The following ZMYM6 variants were observed in gnomAD, a reference collection of about 807,000 sequenced individuals.
ZMYM6 encodes zinc finger MYM-type containing 6, also known as zinc finger MYM-type protein 6.
Under a neutral mutation model 134.0 loss-of-function variants are expected in ZMYM6, and 90 were observed. The observed-to-expected ratio is 0.67, with a 90% CI of 0.57 to 0.80. ZMYM6 has a LOEUF of 0.80. ZMYM6 is among the 30% of genes least tolerant of loss of function. The pLI, the probability that ZMYM6 is intolerant of heterozygous loss-of-function variation, is 0.00. For synonymous variants in ZMYM6, 481 were observed against 524.1 expected (o/e 0.92, Z 1.12); for missense variants, 1,362 against 1,533.9 (o/e 0.89, Z 1.87).
At chr1:35,022,364 G>C (rs995559094) in intron 2 of ZMYM6, among the ~76,000 whole-genome samples, 1 of 151,986 alleles carries the variant, frequency 6.6e-6, no homozygotes, top group Non-Finnish European at 1.5e-5. Context: ...TCTCCCTCCC[G>C]GGTTCAAGTG....
rs1490329523 is a variant in ZMYM6, at chr1:34,993,850, A to T, written c.1993-1463T>A. On this transcript the variant is annotated intron_variant, in intron 14 of 15. Transcript: ENST00000357182. ...AAGCACCCGCCACCACGCCCGGCTA[A>T]TTTTTTTTGCATTTTTAGTAGAGAT... Among the ~76,000 whole-genome samples the T allele has an allele frequency of 2.0e-5, 3 of 151,234 alleles. No homozygotes were observed. The East Asian group carries it at 5.9e-4, about 30-fold the overall frequency.
Position 35,005,250 on chromosome 1 carries a change from A to G in ZMYM6, c.1836T>C (p.Thr612=), listed in dbSNP as rs781063723. The part of the protein sequence containing the change: ...QNKVNISKAK[T]AVTELPSART... The stretch of plus-strand genomic sequence containing the variant: ...TTGCAGAAGGGAGCTCCGTCACAGC[A>G]GTTTTTGCTTTAGAAATATTTACTG... Residue 612 remains threonine (T), a synonymous_variant, in exon 13 of 16, where the codon ACT becomes ACC. Coordinates refer to ENST00000357182, the MANE Select transcript of ZMYM6 (RefSeq NM_007167.4). 2 of 1,614,096 alleles carry G rather than the reference A, an allele frequency of 1.2e-6. No homozygotes were observed. Among genetic ancestry groups the G allele is most frequent in the Admixed American group, 3.3e-5 (2 of 59,996 alleles).
chr1:35,006,934 G>A lies in ZMYM6; in HGVS notation c.1813+17C>T, dbSNP rs1031245534. ...TAGCACTGACATAAAAATCCCATTA[G>A]CTAAGTTTAATTTTACCTTTATTTT... On this transcript the variant is annotated intron_variant, in intron 12 of 15. Transcript: ENST00000357182. 2 of 1,602,762 alleles carry A rather than the reference G, an allele frequency of 1.2e-6. No individual in the cohort carries two copies. The highest frequency in any genetic ancestry group is 1.3e-5 in the African/African-American group (1 of 74,524).
chr1:35,021,859 T>C (rs1489299550), intron 2 of ZMYM6, among the ~76,000 whole-genome samples: 1 of 152,194 alleles, frequency 6.6e-6, no homozygotes, highest in Non-Finnish European at 1.5e-5. Flanking sequence ...AAAATGTAAA[T>C]GCCTATCTTT....
intron 4 of ZMYM6, chr1:35,017,743 A>T (rs1455700328): frequency 1.3e-5 from 2 of 152,346 alleles, no homozygotes; most frequent in East Asian, 3.9e-4. Context: ...GGTATCAAGC[A>T]GCCTTTGAAA....
chr1:34,987,995 A>G lies in ZMYM6; in HGVS notation c.3087T>C (p.Ile1029=). ...AEKLSPCLHK[I]LLQSAQILSF... ...TTAAAATTTGTGCTGACTGCAAAAG[A>G]ATTTTATGTAAACATGGAGACAACT... The change falls in exon 16 of 16, where the codon ATT becomes ATC. Residue 1029 remains isoleucine (I), a synonymous_variant. Coordinates refer to ENST00000357182, the MANE Select transcript of ZMYM6 (RefSeq NM_007167.4). The G allele has an allele frequency of 3.2e-6, 5 of 1,551,294 alleles. No homozygotes were observed. Among genetic ancestry groups the G allele is most frequent in the South Asian group, 1.2e-5 (1 of 83,896 alleles).
rs1343018479 is a variant in ZMYM6 at position 35,010,925 on chromosome 1, T to C, written c.1174A>G (p.Asn392Asp). ...GAGCTGGGGGAAACGGCAGAGGTGT[T>C]ACCTCCTCCTATTGACACTGCTGAC... ...SRSAVSIGGG[N>D]TSAVSPSSIR... Residue 392 changes from asparagine to aspartate, a missense_variant, in exon 9 of 16, where the codon AAC becomes GAC. Transcript: ENST00000357182. 1 of 1,612,724 alleles carries C rather than the reference T, an allele frequency of 6.2e-7. No individual in the cohort carries two copies. The highest frequency in any genetic ancestry group is 8.5e-7 in the Non-Finnish European group (1 of 1,179,576).
chr1:35,012,805 A>C, intron 6 of ZMYM6: 4 of 985,402 alleles, frequency 4.1e-6, no homozygotes, highest in Non-Finnish European at 4.8e-6. Context: ...GATCTTAGCA[A>C]ACAAAACACA....
Position 35,006,873 on chromosome 1 carries a change from T to C in ZMYM6, c.1813+78A>G, listed in dbSNP as rs1400613074. 6.5e-6 allele frequency: 8 copies of C among 1,237,748 alleles called. No homozygotes were observed. In the Admixed American group the frequency reaches 2.8e-4, roughly 43 times the overall value. 76.7% of individuals were successfully genotyped at this position (1,237,748 alleles called of 1,614,324 possible). On this transcript the variant is annotated intron_variant, in intron 12 of 15. Transcript: ENST00000357182. ...TGAATCCAATGAAATTTTGTTTTTA[T>C]TATATTATTTATAACTGTATATGCT...
chr1:35,029,383 T>C (rs1291866080), intron 2 of ZMYM6, among the ~76,000 whole-genome samples: 3 of 152,232 alleles, frequency 2.0e-5, no homozygotes, highest in African/African-American at 4.8e-5. Flanking sequence ...CTGTGATCTG[T>C]GGTAAACTAT....
At chr1:35,023,717 G>A (rs1437346976) in intron 2 of ZMYM6, among the ~76,000 whole-genome samples, 1 of 151,376 alleles carries the variant, frequency 6.6e-6, no homozygotes, top group African/African-American at 2.4e-5. Flanking sequence ...CGCCTCCCAG[G>A]TTCACGACAT....
chr1:35,003,203 A>AG (rs1640911017), intron 14 of ZMYM6, among the ~76,000 whole-genome samples: 2 of 146,410 alleles, frequency 1.4e-5, no homozygotes, highest in Non-Finnish European at 3.0e-5. Context: ...AAAAAAAAAA[A>AG]GCATAACAGT....
chr1:35,010,180 T>G (rs1443601216), intron 10 of ZMYM6, among the ~76,000 whole-genome samples: 4 of 151,476 alleles, frequency 2.6e-5, no homozygotes, highest in African/African-American at 9.7e-5. Flanking sequence ...CGGCTAATTT[T>G]GTATAGAGAC....
intron 3 of ZMYM6, 76 bp from the exon 4 acceptor site, chr1:35,019,678 C>CTT: frequency 1.4e-6 from 2 of 1,379,806 alleles, no homozygotes; most frequent in Non-Finnish European, 1.9e-6. Flanking sequence ...CTCTCTCTCT[C>CTT]TTTTTTCTTT....
At position 34,995,037 on chromosome 1, in the gene ZMYM6, T is replaced by C. The variant is rs867043816; in HGVS notation, c.1993-2650A>G. On this transcript the variant is annotated intron_variant, in intron 14 of 15. Transcript: ENST00000357182. ...TACTTACATACGTATATATATGTAA[T>C]ATATATACTTACATACGTATATATA... 8.0e-5 allele frequency among the ~76,000 whole-genome samples: 8 copies of C among 99,812 alleles called. No homozygotes were observed. The South Asian group carries it at 1.3e-3, about 17-fold the overall frequency. The allele number at this position is 99,812 out of a possible 152,430, so 65.5% of individuals were successfully genotyped here. A position where few individuals can be genotyped will look rare whatever the true frequency, so the allele number is the denominator to read the frequency against.
intron 1 of ZMYM6, chr1:35,031,178 T>C (rs1195498001): frequency 1.3e-5 from 2 of 152,546 alleles, no homozygotes; most frequent in Non-Finnish European, 2.9e-5. Context: ...AAGGGCCCCA[T>C]TTCTCGGCCT....
chr1:35,019,033 C>T (rs892846466), intron 4 of ZMYM6: 10 of 484,274 alleles, frequency 2.1e-5, no homozygotes, highest in Non-Finnish European at 3.6e-5. Flanking sequence ...TACCCAATAG[C>T]TTTCAAGATA....
At chr1:34,997,496 GGTT>G (rs1640804340) in intron 14 of ZMYM6, among the ~76,000 whole-genome samples, 1 of 152,058 alleles carries the variant, frequency 6.6e-6, no homozygotes, top group African/African-American at 2.4e-5. Context: ...GTAGAGAGAG[GGTT>G]TCACCATGTT....
At chr1:35,028,739 T>G (rs1184759352) in intron 2 of ZMYM6, among the ~76,000 whole-genome samples, 1 of 151,892 alleles carries the variant, frequency 6.6e-6, no homozygotes, top group Non-Finnish European at 1.5e-5. Flanking sequence ...GACCTCGTGA[T>G]CTGCCTGCCT....
Sources: allele counts gnomAD v4.1 joint callset (sites outside exome capture counted in the v4.1 genomes callset), GRCh38; gene constraint gnomAD v4.1.1; transcripts MANE v1.5; gene names NCBI Gene and HGNC (gene_info 2026-07-23, HGNC 2026-07-21).